Variants in DLGAP2 observed in about 807,000 individuals in gnomAD.
DLGAP2 encodes the protein DLG associated protein 2.
Under a neutral mutation model 100.3 loss-of-function variants are expected in DLGAP2, and 26 were observed. That is an observed-to-expected ratio of 0.26 (90% CI 0.19 to 0.36). The LOEUF (loss-of-function observed/expected upper bound fraction) is 0.36, where lower values mean the gene tolerates loss of function less well. Ranked by LOEUF, DLGAP2 falls within the 10% of genes least tolerant of loss-of-function variation. The pLI, the probability that DLGAP2 is intolerant of heterozygous loss-of-function variation, is 1.00. For synonymous variants in DLGAP2, 886 were observed against 630.1 expected (o/e 1.41, Z -6.08); for missense variants, 1,858 against 1,453.2 (o/e 1.28, Z -4.53).
In DLGAP2 at chr8:1,267,600, AG is replaced by A. The variant is rs1227378339; in HGVS notation, c.106+8718del. On this transcript the variant is annotated intron_variant, in intron 3 of 14. Coordinates refer to ENST00000637795, the MANE Select transcript of DLGAP2 (RefSeq NM_001346810.2). The stretch of plus-strand genomic sequence containing the variant: ...AAATAAAATAAAATAAGATAAGATA[AG>A]ATAAGATAAGATAAGATAAGATAAA... Among the ~76,000 whole-genome samples the A allele has an allele frequency of 6.9e-4, 50 of 72,748 alleles. 7 individuals are homozygous for A. Among genetic ancestry groups the A allele is most frequent in the African/African-American group, 3.0e-3 (36 of 12,084 alleles). 47.7% of individuals were successfully genotyped at this position (72,748 alleles called of 152,430 possible). A position where few individuals can be genotyped will look rare whatever the true frequency, so the allele number is the denominator to read the frequency against.
intron 1 of DLGAP2, among the ~76,000 whole-genome samples, chr8:841,426 G>T (rs1243403109): frequency 1.3e-5 from 2 of 152,252 alleles, no homozygotes; most frequent in Non-Finnish European, 2.9e-5. Context: ...CCCATATTCT[G>T]TCCCAGACTT....
chr8:1,284,817 C>G lies in DLGAP2; in HGVS notation c.106+25934C>G, dbSNP rs78452086. ...TGAGAGATGAGGTCTCACTGTGTTG[C>G]GTAGGCTGGTCTGGAACTTCTGGCC... On this transcript the variant is annotated intron_variant, in intron 3 of 14. Transcript: ENST00000637795. 4.8e-3 allele frequency among the ~76,000 whole-genome samples: 733 copies of G among 152,220 alleles called. 21 individuals carry two copies. In the East Asian group the frequency reaches 0.079, roughly 16 times the overall value.
intron 2 of DLGAP2, among the ~76,000 whole-genome samples, chr8:1,130,869 A>G (rs918851348): frequency 3.6e-5 from 5 of 138,528 alleles, no homozygotes; most frequent in Non-Finnish European, 6.5e-5. Context: ...GCCTCTCTTC[A>G]TAGCATGACC....
intron 3 of DLGAP2, among the ~76,000 whole-genome samples, chr8:1,260,648 C>A (rs1057466849): frequency 6.6e-6 from 1 of 150,900 alleles, no homozygotes; most frequent in African/African-American, 2.4e-5. Context: ...CCCAGTAAAT[C>A]AGAATCCATG....
chr8:1,277,751 C>G (rs899351847), intron 3 of DLGAP2, among the ~76,000 whole-genome samples: 1 of 152,122 alleles, frequency 6.6e-6, no homozygotes, highest in Non-Finnish European at 1.5e-5. Flanking sequence ...TCAGGGAGCA[C>G]CCCCACCCTT....
chr8:1,219,199 G>A (rs1439757551), intron 2 of DLGAP2, among the ~76,000 whole-genome samples: 1 of 152,052 alleles, frequency 6.6e-6, no homozygotes, highest in Non-Finnish European at 1.5e-5. Flanking sequence ...GTTTTGTTCT[G>A]GTTCTCAAGG....
intron 2 of DLGAP2, among the ~76,000 whole-genome samples, chr8:1,141,790 A>T (rs1019320522): frequency 1.6e-4 from 24 of 152,234 alleles, no homozygotes; most frequent in Non-Finnish European, 3.4e-4. Flanking sequence ...GACTGAAAAA[A>T]ATGACTCAAG....
chr8:1,589,769 G>A (rs1258241737), intron 6 of DLGAP2, among the ~76,000 whole-genome samples: 2 of 152,160 alleles, frequency 1.3e-5, no homozygotes, highest in Non-Finnish European at 1.5e-5. Flanking sequence ...GGGAGTGGTT[G>A]GGGTTTGCTG....
intron 1 of DLGAP2, among the ~76,000 whole-genome samples, chr8:872,328 C>CTTTTTTTTTT (rs770291812): frequency 7.7e-6 from 1 of 129,512 alleles, no homozygotes; most frequent in Non-Finnish European, 1.6e-5. Context: ...TCTCTCACTT[C>CTTTTTTTTTT]TTTTCTTTTT....
At chr8:1,563,981 T>G (rs928764654) in intron 5 of DLGAP2, among the ~76,000 whole-genome samples, 1 of 152,226 alleles carries the variant, frequency 6.6e-6, no homozygotes, top group East Asian at 1.9e-4. Context: ...ATGGAAATTT[T>G]TTATTTTCTT....
intron 1 of DLGAP2, among the ~76,000 whole-genome samples, chr8:852,464 C>T (rs1157308530): frequency 6.6e-6 from 1 of 152,228 alleles, no homozygotes; most frequent in Admixed American, 6.5e-5. Context: ...TTTATCTGCT[C>T]ATCAGCTGTA....
At chr8:1,556,226 C>G (rs1449848640) in intron 5 of DLGAP2, among the ~76,000 whole-genome samples, 1 of 152,206 alleles carries the variant, frequency 6.6e-6, no homozygotes, top group African/African-American at 2.4e-5. Context: ...AGCTGAGGCT[C>G]TGCTTCTGCA....
intron 1 of DLGAP2, among the ~76,000 whole-genome samples, chr8:810,642 A>G (rs571634303): frequency 2.0e-5 from 3 of 152,358 alleles, no homozygotes; most frequent in Non-Finnish European, 2.9e-5. Context: ...ATAATCAACT[A>G]TAAAAAGGTG....
intron 2 of DLGAP2, among the ~76,000 whole-genome samples, chr8:1,048,936 AG>A (rs1361826492): frequency 2.4e-4 from 37 of 152,334 alleles, no homozygotes; most frequent in African/African-American, 8.7e-4. Flanking sequence ...ACTCACGGGT[AG>A]AAAAACAGCA....
intron 3 of DLGAP2, among the ~76,000 whole-genome samples, chr8:1,370,707 C>G (rs1055558275): frequency 5.9e-5 from 9 of 152,224 alleles, no homozygotes; most frequent in African/African-American, 1.9e-4. Context: ...CCGCTCCACT[C>G]TTGCATTCTC....
At chr8:1,228,208 C>A (rs1427237074) in intron 2 of DLGAP2, among the ~76,000 whole-genome samples, 2 of 151,406 alleles carry the variant, frequency 1.3e-5, no homozygotes, top group African/African-American at 4.9e-5. Context: ...GCACATGTAC[C>A]CTAGAACTTA....
At chr8:1,489,858 T>A (rs4461925) in intron 3 of DLGAP2, among the ~76,000 whole-genome samples, 85,268 of 152,038 alleles carry the variant, frequency 0.56, 24,848 homozygotes, top group Admixed American at 0.67. Context: ...TTACTTAAGC[T>A]TTCTGCTTTA....
intron 3 of DLGAP2, among the ~76,000 whole-genome samples, chr8:1,417,555 C>G (rs913504355): frequency 6.8e-6 from 1 of 146,132 alleles, no homozygotes; most frequent in East Asian, 2.0e-4. Context: ...GATCCGAAGC[C>G]CAGAACAGGG....
chr8:749,698 C>G (rs1015062146), intron 1 of DLGAP2, among the ~76,000 whole-genome samples: 2 of 152,054 alleles, frequency 1.3e-5, no homozygotes, highest in African/African-American at 4.8e-5. Flanking sequence ...TTCCTAGGAA[C>G]AGAATTATTG....
Sources: allele counts gnomAD v4.1 joint callset (sites outside exome capture counted in the v4.1 genomes callset), GRCh38; gene constraint gnomAD v4.1.1; transcripts MANE v1.5; gene names NCBI Gene and HGNC (gene_info 2026-07-23, HGNC 2026-07-21).